The following CCDC126 variants were observed in gnomAD, a reference collection of about 807,000 sequenced individuals.
CCDC126 encodes coiled-coil domain-containing protein 126.
In CCDC126, 5 loss-of-function variants were observed where a neutral mutation model predicts 11.7. That is an observed-to-expected ratio of 0.43 (90% CI 0.22 to 0.90). The LOEUF (loss-of-function observed/expected upper bound fraction) is 0.90. Among genes scored for constraint, CCDC126 ranks in the 40% least tolerant of loss-of-function variants. The pLI is 0.27. For missense variants in CCDC126, 150 were observed against 163.1 expected (o/e 0.92, Z 0.44); for synonymous variants, 60 against 61.9 (o/e 0.97, Z 0.14).
intron 3 of CCDC126, among the ~76,000 whole-genome samples, chr7:23,636,674 C>T (rs1455411617): frequency 1.2e-4 from 18 of 149,820 alleles, no homozygotes; most frequent in Non-Finnish European, 3.0e-5. Flanking sequence ...GCAGCCATCC[C>T]GTCTGGGAAG....
At chr7:23,604,552 A>C (rs1782590716) in intron 2 of CCDC126, among the ~76,000 whole-genome samples, 1 of 152,218 alleles carries the variant, frequency 6.6e-6, no homozygotes, top group Admixed American at 6.5e-5. Context: ...GACACTAATG[A>C]TAAAGATTAA....
chr7:23,638,524 C>T (rs867684755), intron 3 of CCDC126, among the ~76,000 whole-genome samples: 1 of 119,030 alleles, frequency 8.4e-6, no homozygotes, highest in African/African-American at 3.5e-5. Context: ...GCAGCATGCT[C>T]GTTAAGAGTC....
chr7:23,606,841 CAGG>C (rs1782630806), intron 2 of CCDC126, among the ~76,000 whole-genome samples: 1 of 151,856 alleles, frequency 6.6e-6, no homozygotes, highest in Non-Finnish European at 1.5e-5. Flanking sequence ...AAGGCTGAGG[CAGG>C]AGGATCACGT....
In CCDC126 at chr7:23,642,998, C is replaced by A. The variant is rs1376543980; in HGVS notation, c.306C>A (p.Asn102Lys). 6.2e-7 allele frequency: 1 copy of A among 1,614,110 alleles called. No individual in the cohort carries two copies. Among genetic ancestry groups the A allele is most frequent in the Admixed American group, 1.7e-5 (1 of 60,016 alleles). ...TGCAACGATTGGTGAAGCTGGAGAA[C>A]AAAGTTGACTATATTGTTGTGAATG... ...DILQRLVKLE[N>K]KVDYIVVNGS... The change falls in exon 4 of 4, where the codon AAC (asparagine) becomes AAA (lysine). Residue 102 changes from asparagine to lysine, a missense_variant. Coordinates refer to ENST00000307471, the MANE Select transcript of CCDC126 (RefSeq NM_138771.4).
chr7:23,612,621 C>A (rs1782736337), intron 3 of CCDC126, among the ~76,000 whole-genome samples: 1 of 151,610 alleles, frequency 6.6e-6, no homozygotes, highest in African/African-American at 2.4e-5. Flanking sequence ...TACAGTGAGC[C>A]ATGTCTGCAC....
chr7:23,624,836 AT>A (rs1316285501), intron 3 of CCDC126, among the ~76,000 whole-genome samples: 1 of 152,184 alleles, frequency 6.6e-6, no homozygotes, highest in Non-Finnish European at 1.5e-5. Flanking sequence ...TAATGACAAT[AT>A]TATTTCATTT....
At chr7:23,622,509 A>G in intron 3 of CCDC126, 2 of 479,962 alleles carry the variant, frequency 4.2e-6, no homozygotes, top group Non-Finnish European at 8.4e-6. Context: ...GCGAAACTGG[A>G]TTTAGTGCAG....
chr7:23,640,022 A>G (rs1783325578), intron 3 of CCDC126, among the ~76,000 whole-genome samples: 3 of 151,786 alleles, frequency 2.0e-5, no homozygotes, highest in Admixed American at 2.0e-4. Context: ...GTCTCTACTA[A>G]AAATACAAAA....
chr7:23,623,261 C>T (rs1370070427), intron 3 of CCDC126, among the ~76,000 whole-genome samples: 1 of 151,908 alleles, frequency 6.6e-6, no homozygotes, highest in African/African-American at 2.4e-5. Context: ...TGTGCCTGGC[C>T]TGCTCACTTT....
intron 3 of CCDC126, among the ~76,000 whole-genome samples, chr7:23,613,827 G>A (rs1782754462): frequency 6.6e-6 from 1 of 152,184 alleles, no homozygotes; most frequent in Middle Eastern, 3.2e-3. Flanking sequence ...TGGTTTCCCA[G>A]TGCATATAAA....
At chr7:23,640,250 C>A (rs1223193705) in intron 3 of CCDC126, among the ~76,000 whole-genome samples, 2 of 151,768 alleles carry the variant, frequency 1.3e-5, no homozygotes, top group Non-Finnish European at 2.9e-5. Flanking sequence ...GTAATCCCAG[C>A]ACTTTGGGAG....
intron 3 of CCDC126, among the ~76,000 whole-genome samples, chr7:23,629,524 A>G (rs1188975755): frequency 1.3e-5 from 2 of 152,244 alleles, no homozygotes; most frequent in Non-Finnish European, 2.9e-5. Flanking sequence ...AAAAGATTTT[A>G]AAGCTGCTAT....
intron 3 of CCDC126, among the ~76,000 whole-genome samples, chr7:23,614,202 T>A (rs1197498476): frequency 6.6e-6 from 1 of 152,254 alleles, no homozygotes; most frequent in Non-Finnish European, 1.5e-5. Flanking sequence ...TCCACACAAA[T>A]CCTACTGCTG....
At chr7:23,637,078 T>G (rs868529032) in intron 3 of CCDC126, among the ~76,000 whole-genome samples, 67 of 22,562 alleles carry the variant, frequency 3.0e-3, no homozygotes, top group Admixed American at 6.0e-3. Context: ...AGGGAGGTGG[T>G]GGGGGTCAGC....
At chr7:23,634,342 G>A (rs1300838108) in intron 3 of CCDC126, among the ~76,000 whole-genome samples, 1 of 152,002 alleles carries the variant, frequency 6.6e-6, no homozygotes, top group Non-Finnish European at 1.5e-5. Context: ...CAGGGGGTGG[G>A]GAGGGGGCAC....
Position 23,611,238 on chromosome 7 carries a change from T to G in CCDC126, c.-78T>G, listed in dbSNP as rs1010656134. ...ACAATATTGAGGATATTTTTTTCTTTTTTTTTTCAAGTCTTGATTTGTGGC... is the reference window on the plus strand; with the variant it reads ...ACAATATTGAGGATATTTTTTTCTTGTTTTTTTCAAGTCTTGATTTGTGGC... On this transcript the variant is annotated 5_prime_UTR_variant, in exon 3 of 4. Transcript: ENST00000307471. 1.1e-6 allele frequency: 1 copy of G among 871,754 alleles called. No individual in the cohort carries two copies. The highest frequency in any genetic ancestry group is 1.7e-5 in the African/African-American group (1 of 59,362). The allele number at this position is 871,754 out of a possible 1,614,324, so 54.0% of individuals were successfully genotyped here.
At chr7:23,605,399 TTGTGTG>T (rs3219575) in intron 2 of CCDC126, among the ~76,000 whole-genome samples, 10,496 of 148,832 alleles carry the variant, frequency 0.071, 346 homozygotes, top group Non-Finnish European at 0.08. Flanking sequence ...TGTGATATGC[TTGTGTG>T]TGTGTGTGTG....
chr7:23,604,000 T>G (rs750719305), intron 2 of CCDC126: 1 of 152,122 alleles, frequency 6.6e-6, no homozygotes, highest in Non-Finnish European at 1.5e-5. Context: ...AGAAGATCAG[T>G]GTGGGGTAGA....
rs1783398526 is a variant in CCDC126, at chr7:23,643,260, C to T, written c.*145C>T. On this transcript the variant is annotated 3_prime_UTR_variant, in exon 4 of 4. Transcript: ENST00000307471. The stretch of plus-strand genomic sequence containing the variant: ...CAAGGAGTATGCTGGATTCATGGAA[C>T]TCTAATTCTGTACATAAAAATTTTA... 2 of 697,376 alleles carry T rather than the reference C, an allele frequency of 2.9e-6. No individual in the cohort carries two copies. Among genetic ancestry groups the T allele is most frequent in the African/African-American group, 1.8e-5 (1 of 54,984 alleles). The allele number at this position is 697,376 out of a possible 1,614,324, so 43.2% of individuals were successfully genotyped here. A position where few individuals can be genotyped will look rare whatever the true frequency, so the allele number is the denominator to read the frequency against.
Sources: gnomAD v4.1 joint callset for allele counts (sites outside exome capture counted in the v4.1 genomes callset) on GRCh38, gnomAD v4.1.1 for gene constraint, MANE v1.5 for transcripts, NCBI Gene and HGNC (gene_info 2026-07-23, HGNC 2026-07-21) for gene names.